GAREM1: variants seen among roughly 807,000 people sequenced by gnomAD.
GAREM1 encodes the protein GRB2-associated and regulator of MAPK protein 1.
GAREM1 carries 26 observed loss-of-function variants against 71.3 expected under a neutral mutation model. That is an observed-to-expected ratio of 0.36 (90% CI 0.27 to 0.51). GAREM1 has a LOEUF of 0.51. GAREM1 is among the 20% of genes least tolerant of loss of function. The pLI is 0.95. For synonymous variants in GAREM1, 440 were observed against 433.2 expected, an observed-to-expected ratio of 1.02 and a Z score of -0.20; for missense variants, 1,026 against 1,103.1, an observed-to-expected ratio of 0.93 and a Z score of 0.99.
At chr18:32,453,692 T>C (rs895153621) in intron 1 of GAREM1, among the ~76,000 whole-genome samples, 1 of 152,174 alleles carries the variant, frequency 6.6e-6, no homozygotes, top group Non-Finnish European at 1.5e-5. Context: ...TTAATTACAT[T>C]TGCAGAGATC....
At position 32,446,249 on chromosome 18, in the gene GAREM1, T is replaced by TGTGTGC. The variant is rs141510183; in HGVS notation, c.121+24058_121+24059insGCACAC. 3.5e-3 allele frequency among the ~76,000 whole-genome samples: 531 copies of TGTGTGC among 151,974 alleles called. 2 individuals carry two copies. The highest frequency in any genetic ancestry group is 0.011 in the African/African-American group (465 of 41,404). ...GTGTGTGTGTGTGTGTGTGTGTGTG[T>TGTGTGC]GTGTATAACAACAGAATTGTTCACC... On this transcript the variant is annotated intron_variant, in intron 1 of 5. Transcript: ENST00000269209.
In GAREM1 at chr18:32,466,099, A is replaced by C. The variant is rs2048996272; in HGVS notation, c.121+4209T>G. ...TAATTTCCAATTCTTTGTTTTAAAA[A>C]CAACCAGAAATCATTAAATATTGAA... On this transcript the variant is annotated intron_variant, in intron 1 of 5. Transcript: ENST00000269209. 2.6e-5 allele frequency among the ~76,000 whole-genome samples: 4 copies of C among 152,218 alleles called. No homozygotes were observed. In the South Asian group the frequency reaches 8.3e-4, roughly 32 times the overall value.
chr18:32,292,771 T>C (rs2047099628), intron 3 of GAREM1, among the ~76,000 whole-genome samples: 1 of 152,220 alleles, frequency 6.6e-6, no homozygotes, highest in Non-Finnish European at 1.5e-5. Flanking sequence ...GTTTGCTTTA[T>C]AAATTACCCA....
At chr18:32,418,793 T>A (rs2048490781) in intron 1 of GAREM1, among the ~76,000 whole-genome samples, 1 of 152,174 alleles carries the variant, frequency 6.6e-6, no homozygotes, top group South Asian at 2.1e-4. Flanking sequence ...AAACATATTG[T>A]AAGCTTGAGA....
intron 2 of GAREM1, among the ~76,000 whole-genome samples, chr18:32,366,512 A>T (rs550672976): frequency 6.6e-6 from 1 of 152,362 alleles, no homozygotes; most frequent in African/African-American, 2.4e-5. Context: ...TTTATAGGAA[A>T]GGGAACCTGT....
chr18:32,360,879 A>G (rs1034814154), intron 2 of GAREM1, among the ~76,000 whole-genome samples: 12 of 152,206 alleles, frequency 7.9e-5, no homozygotes, highest in Non-Finnish European at 2.9e-5. Flanking sequence ...GAGAACAAGT[A>G]TTAAACACCT....
At chr18:32,428,225 T>A (rs1310124458) in intron 1 of GAREM1, among the ~76,000 whole-genome samples, 2 of 152,216 alleles carry the variant, frequency 1.3e-5, no homozygotes, top group African/African-American at 4.8e-5. Context: ...CATTAGAGGC[T>A]TTAATTCTTA....
At chr18:32,449,853 T>C (rs1452816899) in intron 1 of GAREM1, among the ~76,000 whole-genome samples, 1 of 152,194 alleles carries the variant, frequency 6.6e-6, no homozygotes, top group Admixed American at 6.5e-5. Flanking sequence ...TACATAATCT[T>C]GAAGGGAGGA....
In GAREM1 at chr18:32,268,318, C is replaced by T. The variant is rs770229482; in HGVS notation, c.2184G>A (p.Arg728=). ...CCTTCTCTTCCACTAGTTTTGGAGC[C>T]CTGGGGGGTAAGGCAGGGCATGACG... ...QSTSCPALPP[R]APKLVEEKVA... Residue 728 remains arginine, a synonymous_variant, in exon 6 of 6, where the codon AGG becomes AGA. Coordinates refer to ENST00000269209, the MANE Select transcript of GAREM1 (RefSeq NM_001242409.2). The T allele has an allele frequency of 6.2e-7, 1 of 1,614,002 alleles. No individual in the cohort carries two copies. The highest frequency in any genetic ancestry group is 1.1e-5 in the South Asian group (1 of 91,070).
intron 1 of GAREM1, among the ~76,000 whole-genome samples, chr18:32,431,119 T>C (rs2048620624): frequency 6.6e-6 from 1 of 152,102 alleles, no homozygotes; most frequent in African/African-American, 2.4e-5. Context: ...CCAAGACTGG[T>C]TACTGAGTGG....
At chr18:32,398,644 A>G (rs2048281292) in intron 1 of GAREM1, among the ~76,000 whole-genome samples, 1 of 152,182 alleles carries the variant, frequency 6.6e-6, no homozygotes, top group African/African-American at 2.4e-5. Flanking sequence ...GAATAGACCA[A>G]TAACAGGCTC....
intron 1 of GAREM1, among the ~76,000 whole-genome samples, chr18:32,457,199 T>C (rs1479802269): frequency 1.9e-5 from 1 of 52,524 alleles, no homozygotes; most frequent in Non-Finnish European, 3.3e-5. Flanking sequence ...ATTGTGTGTG[T>C]AGGGGGGGAG....
chr18:32,423,691 C>A (rs758176991), intron 1 of GAREM1, among the ~76,000 whole-genome samples: 6 of 152,188 alleles, frequency 3.9e-5, no homozygotes, highest in Non-Finnish European at 8.8e-5. Flanking sequence ...AGCTTAACGT[C>A]AGTGAGGCGC....
chr18:32,352,452 G>A (rs2144594302), intron 2 of GAREM1, among the ~76,000 whole-genome samples: 1 of 152,264 alleles, frequency 6.6e-6, no homozygotes, highest in South Asian at 2.1e-4. Context: ...GGATTTGTGG[G>A]GTGTGGATGC....
intron 1 of GAREM1, among the ~76,000 whole-genome samples, chr18:32,403,357 T>C (rs1463804603): frequency 1.3e-5 from 2 of 152,170 alleles, no homozygotes; most frequent in Non-Finnish European, 2.9e-5. Context: ...ATGATTTACT[T>C]CTAATAGTTT....
Position 32,265,920 on chromosome 18 carries a change from C to G in GAREM1, c.*1951G>C, listed in dbSNP as rs2041367060. ...AAGAAGTTCTGAGAGGTTTACTTTACTAAGGGAGGCAGTCCCCCTCACACA... is the reference window on the plus strand; with the variant it reads ...AAGAAGTTCTGAGAGGTTTACTTTAGTAAGGGAGGCAGTCCCCCTCACACA... On this transcript the variant is annotated 3_prime_UTR_variant, in exon 6 of 6. Transcript: ENST00000269209. 1 of 152,124 alleles carries G rather than the reference C, an allele frequency of 6.6e-6. No homozygotes were observed. The highest frequency in any genetic ancestry group is 1.5e-5 in the Non-Finnish European group (1 of 68,022). 9.4% of individuals were successfully genotyped at this position (152,124 alleles called of 1,614,324 possible). A position where few individuals can be genotyped will look rare whatever the true frequency, so the allele number is the denominator to read the frequency against.
At chr18:32,311,968 C>T (rs1365830855) in intron 2 of GAREM1, among the ~76,000 whole-genome samples, 3 of 152,162 alleles carry the variant, frequency 2.0e-5, no homozygotes, top group Non-Finnish European at 2.9e-5. Flanking sequence ...TATGACATGG[C>T]AGGGGCTGGG....
intron 1 of GAREM1, among the ~76,000 whole-genome samples, chr18:32,402,132 T>G (rs2048321128): frequency 6.6e-6 from 1 of 152,184 alleles, no homozygotes; most frequent in South Asian, 2.1e-4. Flanking sequence ...TTTTGTGACA[T>G]AATTATTCTG....
intron 2 of GAREM1, among the ~76,000 whole-genome samples, chr18:32,360,828 T>A (rs1358163486): frequency 1.3e-5 from 2 of 152,204 alleles, no homozygotes; most frequent in South Asian, 4.1e-4. Context: ...TAAGAGTCTG[T>A]ACCCTATTTG....
Sources: allele counts gnomAD v4.1 joint callset (sites outside exome capture counted in the v4.1 genomes callset), GRCh38; gene constraint gnomAD v4.1.1; transcripts MANE v1.5; gene names NCBI Gene and HGNC (gene_info 2026-07-23, HGNC 2026-07-21).